Variants in ANK2 observed in about 807,000 individuals in gnomAD.
The protein encoded by ANK2 is ankyrin 2.
In ANK2, 83 loss-of-function variants were observed where a neutral mutation model predicts 360.5. The observed-to-expected ratio is 0.23, with a 90% CI of 0.19 to 0.28. The LOEUF (loss-of-function observed/expected upper bound fraction) is 0.28. ANK2 is among the 10% of genes least tolerant of loss of function. ANK2 has a pLI of 1.00. For synonymous variants in ANK2, 1,740 were observed against 1,759.5 expected (o/e 0.99, Z 0.28); for missense variants, 4,201 against 4,795.7 (o/e 0.88, Z 3.66).
At chr4:112,897,861 C>T (rs1226289231) in intron 1 of ANK2, among the ~76,000 whole-genome samples, 2 of 152,088 alleles carry the variant, frequency 1.3e-5, no homozygotes, top group East Asian at 3.8e-4. Flanking sequence ...AACTAGTTTC[C>T]TGTATATTTC....
At chr4:113,294,013 T>G (rs2153748397) in intron 22 of ANK2, among the ~76,000 whole-genome samples, 1 of 152,374 alleles carries the variant, frequency 6.6e-6, no homozygotes, top group Admixed American at 6.5e-5. Context: ...ACTTTGCATC[T>G]TATTTCTGAT....
chr4:113,219,120 T>C (rs2099120107), intron 4 of ANK2, among the ~76,000 whole-genome samples: 2 of 152,286 alleles, frequency 1.3e-5, no homozygotes, highest in South Asian at 4.1e-4. Flanking sequence ...CCTATTTTAA[T>C]GCACTGGCTA....
chr4:113,126,535 G>A (rs2095670437), intron 1 of ANK2, among the ~76,000 whole-genome samples: 1 of 152,148 alleles, frequency 6.6e-6, no homozygotes, highest in Admixed American at 6.6e-5. Context: ...GGTTACTTAG[G>A]AAATGAGCTT....
At chr4:113,281,112 A>G (rs531055943) in intron 17 of ANK2, among the ~76,000 whole-genome samples, 3 of 152,332 alleles carry the variant, frequency 2.0e-5, no homozygotes, top group Admixed American at 6.5e-5. Context: ...AGAAATGGGG[A>G]CAGAGTAGAT....
chr4:112,808,942 C>G, the ANK2 span, among the ~76,000 whole-genome samples: 1 of 152,024 alleles, frequency 6.6e-6, no homozygotes, highest in South Asian at 2.1e-4. Context: ...GCTGCAACCT[C>G]TGTCCCCCTG....
At chr4:113,094,006 G>C (rs1038834888) in intron 1 of ANK2, among the ~76,000 whole-genome samples, 2 of 152,158 alleles carry the variant, frequency 1.3e-5, no homozygotes, top group Non-Finnish European at 2.9e-5. Flanking sequence ...TTGGAGTAGA[G>C]TATACTGTGA....
intron 1 of ANK2, among the ~76,000 whole-genome samples, chr4:112,858,987 A>G (rs770009443): frequency 5.3e-5 from 8 of 152,208 alleles, no homozygotes; most frequent in Non-Finnish European, 1.0e-4. Context: ...ACAAACATTT[A>G]TTAGCAAGAA....
intron 2 of ANK2, among the ~76,000 whole-genome samples, chr4:112,950,609 A>G (rs979288977): frequency 2.0e-5 from 3 of 150,064 alleles, no homozygotes; most frequent in Admixed American, 1.3e-4. Context: ...ATGCCACTGC[A>G]CTCCAGCCTG....
At chr4:112,952,927 A>G (rs1358774391) in intron 2 of ANK2, among the ~76,000 whole-genome samples, 1 of 152,206 alleles carries the variant, frequency 6.6e-6, no homozygotes, top group Non-Finnish European at 1.5e-5. Flanking sequence ...AGAGATTAGG[A>G]GATTATATTA....
intron 45 of ANK2, among the ~76,000 whole-genome samples, chr4:113,380,991 G>A (rs2097152635): frequency 6.6e-6 from 1 of 152,132 alleles, no homozygotes; most frequent in African/African-American, 2.4e-5. Flanking sequence ...GGAAGTTTGG[G>A]TCAGGGTATG....
intron 14 of ANK2, among the ~76,000 whole-genome samples, chr4:113,267,599 A>G (rs2056728033): frequency 6.6e-6 from 1 of 152,000 alleles, no homozygotes; most frequent in Non-Finnish European, 1.5e-5. Flanking sequence ...GTTCTGTTCC[A>G]TTGGTCTATA....
the ANK2 span, among the ~76,000 whole-genome samples, chr4:112,710,596 G>A: frequency 3.3e-5 from 5 of 152,022 alleles, no homozygotes; most frequent in African/African-American, 1.2e-4. Flanking sequence ...TACCCGGGAG[G>A]CTGAGGCAGG....
intron 2 of ANK2, among the ~76,000 whole-genome samples, chr4:112,933,488 TCAGA>T (rs924925160): frequency 6.6e-6 from 1 of 151,580 alleles, no homozygotes; most frequent in African/African-American, 2.4e-5. Flanking sequence ...ACTGTGAGGA[TCAGA>T]CAGTCTAATT....
Position 113,357,544 on chromosome 4 carries a change from T to C in ANK2, c.8926T>C (p.Ser2976Pro). 1 of 1,614,088 alleles carries C rather than the reference T, an allele frequency of 6.2e-7. No individual in the cohort carries two copies. The highest frequency in any genetic ancestry group is 8.5e-7 in the Non-Finnish European group (1 of 1,179,962). Residue 2976 changes from serine to proline, a missense_variant, in exon 38 of 46, where the codon TCC (serine) becomes CCC (proline). This residue lies in a region of ANK2 where 2,642 missense variants were observed against 2,714.5 expected (regional missense o/e 0.97). Transcript: ENST00000357077. ...TGTTGAAGACGTTGTAGTGGCAAGCTCCTCTAGTGGAACTGTTTTAAGCAA... is the reference window on the plus strand; with the variant it reads ...TGTTGAAGACGTTGTAGTGGCAAGCCCCTCTAGTGGAACTGTTTTAAGCAA... ...SPVEDVVVAS[S>P]SSGTVLSKES...
chr4:113,048,917 GACACACACACACACACACACAC>G (rs55814667), upstream of ANK2, among the ~76,000 whole-genome samples: 4 of 139,326 alleles, frequency 2.9e-5, no homozygotes, highest in South Asian at 2.4e-4. Flanking sequence ...CCCCTACCCA[GACACACACACACACACACACAC>G]ACACACACAC....
At position 113,354,038 on chromosome 4, in the gene ANK2, C is replaced by G; in HGVS notation, c.5420C>G (p.Pro1807Arg). 10 of 1,614,064 alleles carry G rather than the reference C, an allele frequency of 6.2e-6. No homozygotes were observed. Among genetic ancestry groups the G allele is most frequent in the Non-Finnish European group, 8.5e-6 (10 of 1,179,996 alleles). Residue 1807 changes from proline (P) to arginine (R), a missense_variant, in exon 38 of 46, where the codon CCA becomes CGA. By Grantham distance (103) the Pro-to-Arg change is moderately radical. This residue lies in a region of ANK2 where 2,642 missense variants were observed against 2,714.5 expected (regional missense o/e 0.97). Transcript: ENST00000357077. ...VPKKTTHRPH[P>R]AASPSLKSER... ...AAAAAGACCACCCACAGGCCACATC[C>G]AGCTGCGTCACCCTCTCTGAAGTCA...
chr4:113,274,520 A>T lies in ANK2; in HGVS notation c.1554A>T (p.Gln518His), dbSNP rs761779843. 3 of 1,614,074 alleles carry T rather than the reference A, an allele frequency of 1.9e-6. No homozygotes were observed. Among genetic ancestry groups the T allele is most frequent in the Non-Finnish European group, 2.5e-6 (3 of 1,180,042 alleles). ...CAGAAATTGTCCAGCTGCTTCTACA[A>T]CATATGGCTCATCCAGATGCGGCCA... ...GKTEIVQLLL[Q>H]HMAHPDAATT... Residue 518 changes from glutamine to histidine, a missense_variant, in exon 15 of 46, where the codon CAA becomes CAT. Coordinates refer to ENST00000357077, the MANE Select transcript of ANK2 (RefSeq NM_001148.6).
chr4:113,276,174 C>T (rs1166966289), intron 15 of ANK2, among the ~76,000 whole-genome samples: 1 of 152,048 alleles, frequency 6.6e-6, no homozygotes, highest in Non-Finnish European at 1.5e-5. Flanking sequence ...ATCTCCTGAC[C>T]TCGTGACCCA....
At chr4:112,748,985 T>A in the ANK2 span, among the ~76,000 whole-genome samples, 1 of 152,192 alleles carries the variant, frequency 6.6e-6, no homozygotes, top group Admixed American at 6.6e-5. Context: ...CTGCAACCTC[T>A]GCCTTCCGGG....
Sources: allele counts gnomAD v4.1 joint callset (sites outside exome capture counted in the v4.1 genomes callset), GRCh38; gene constraint gnomAD v4.1.1; regional missense constraint gnomAD v4.1.1; transcripts MANE v1.5; gene names NCBI Gene and HGNC (gene_info 2026-07-23, HGNC 2026-07-21).